IL1RAPL2: variants seen among roughly 807,000 people sequenced by gnomAD.
IL1RAPL2 encodes interleukin 1 receptor accessory protein like 2.
IL1RAPL2 carries 3 observed loss-of-function variants against 44.1 expected under a neutral mutation model. The observed-to-expected ratio is 0.07, with a 90% confidence interval of 0.03 to 0.18. IL1RAPL2 has a LOEUF of 0.18. Ranked by LOEUF, IL1RAPL2 falls within the 10% of genes least tolerant of loss-of-function variation. The probability of loss-of-function intolerance (pLI) is 1.00; values close to 1 mark genes in which losing one functional copy is unlikely to be tolerated. For synonymous variants in IL1RAPL2, 181 were observed against 178.8 expected (o/e 1.01, Z -0.10); for missense variants, 391 against 496.4 (o/e 0.79, Z 2.02).
chrX:104,663,770 A>G (rs758112314), intron 2 of IL1RAPL2, among the ~76,000 whole-genome samples: 3 of 104,858 alleles, frequency 2.9e-5, no homozygotes, highest in South Asian at 4.5e-4. Context: ...CAGCAACTAG[A>G]TAATAGGCAG....
intron 6 of IL1RAPL2, among the ~76,000 whole-genome samples, chrX:105,563,910 C>A (rs985537647): frequency 8.9e-6 from 1 of 111,951 alleles, no homozygotes; most frequent in African/African-American, 3.2e-5. Context: ...TCAATCTATT[C>A]TCTGACACTA....
chrX:105,460,102 G>A (rs2036083290), intron 5 of IL1RAPL2, among the ~76,000 whole-genome samples: 1 of 111,118 alleles, frequency 9.0e-6, no homozygotes, highest in African/African-American at 3.3e-5. Flanking sequence ...AGCAGGCAAA[G>A]TTATGTCTTC....
chrX:104,864,212 C>T (rs1357675472), intron 2 of IL1RAPL2, among the ~76,000 whole-genome samples: 1 of 111,984 alleles, frequency 8.9e-6, no homozygotes, highest in Non-Finnish European at 1.9e-5. Context: ...CTTTTCCTTT[C>T]AATTTTATAG....
intron 1 of IL1RAPL2, among the ~76,000 whole-genome samples, chrX:104,578,366 G>A (rs1278093413): frequency 8.9e-6 from 1 of 112,194 alleles, no homozygotes; most frequent in Admixed American, 9.4e-5. Context: ...AAGCTGAATG[G>A]CATGAGCCTC....
At chrX:105,447,626 T>A (rs2035977571) in intron 5 of IL1RAPL2, among the ~76,000 whole-genome samples, 1 of 78,724 alleles carries the variant, frequency 1.3e-5, no homozygotes, top group Non-Finnish European at 2.2e-5. Context: ...AACATAAATA[T>A]ATATTTATAT....
At chrX:104,759,473 G>GATTAA (rs1281177759) in intron 2 of IL1RAPL2, among the ~76,000 whole-genome samples, 11 of 110,880 alleles carry the variant, frequency 9.9e-5, no homozygotes, top group African/African-American at 3.6e-4. Flanking sequence ...CTTTTGTGAG[G>GATTAA]ATTAAACAAG....
intron 6 of IL1RAPL2, among the ~76,000 whole-genome samples, chrX:105,533,720 G>T (rs2036657315): frequency 1.8e-5 from 2 of 112,057 alleles, no homozygotes; most frequent in South Asian, 3.7e-4. Flanking sequence ...TTTGAGATAA[G>T]ATTTTTTTCA....
intron 5 of IL1RAPL2, among the ~76,000 whole-genome samples, chrX:105,304,114 T>C (rs150555039): frequency 0.012 from 1,311 of 112,673 alleles, 21 homozygotes; most frequent in African/African-American, 0.04. Flanking sequence ...CACATAACCA[T>C]GAGGGGTGTC....
intron 5 of IL1RAPL2, among the ~76,000 whole-genome samples, chrX:105,417,776 A>G (rs2035745031): frequency 8.9e-6 from 1 of 112,054 alleles, no homozygotes; most frequent in South Asian, 3.7e-4. Flanking sequence ...ACTTGTGTAC[A>G]TAAGTAGTAG....
chrX:105,447,075 T>TTATATATATATATATATATATA (rs1205983853), intron 5 of IL1RAPL2, among the ~76,000 whole-genome samples: 1 of 16,870 alleles, frequency 5.9e-5, no homozygotes, highest in Non-Finnish European at 8.6e-5. Flanking sequence ...CTGGTTAAAA[T>TTATATATATATATATATATATA]TATATATATA....
At chrX:105,480,384 AG>A (rs1259019217) in intron 5 of IL1RAPL2, among the ~76,000 whole-genome samples, 1 of 112,236 alleles carries the variant, frequency 8.9e-6, no homozygotes, top group Non-Finnish European at 1.9e-5. Flanking sequence ...AGAAGAAGGC[AG>A]TAATAGTAGT....
At chrX:104,985,494 G>A (rs2147729230) in intron 2 of IL1RAPL2, among the ~76,000 whole-genome samples, 1 of 111,968 alleles carries the variant, frequency 8.9e-6, no homozygotes, top group African/African-American at 3.2e-5. Flanking sequence ...ATATTAAAAG[G>A]ACCCCATTAA....
chrX:105,311,217 G>T (rs906368172), intron 5 of IL1RAPL2, among the ~76,000 whole-genome samples: 1 of 110,992 alleles, frequency 9.0e-6, no homozygotes. Flanking sequence ...ACATATAGAT[G>T]TTCCTTGCTT....
chrX:104,775,515 T>C (rs373728362), intron 2 of IL1RAPL2, among the ~76,000 whole-genome samples: 1 of 111,831 alleles, frequency 8.9e-6, no homozygotes, highest in Non-Finnish European at 1.9e-5. Flanking sequence ...AAGGGTTTTG[T>C]TGAGGGAGAT....
chrX:104,818,281 T>C (rs1375429626), intron 2 of IL1RAPL2, among the ~76,000 whole-genome samples: 2 of 99,986 alleles, frequency 2.0e-5, no homozygotes, highest in African/African-American at 3.8e-5. Context: ...GAGGCAGAGC[T>C]TGCAGTGAGC....
At chrX:105,038,705 C>A (rs1364766378) in intron 2 of IL1RAPL2, among the ~76,000 whole-genome samples, 1 of 111,031 alleles carries the variant, frequency 9.0e-6, no homozygotes, top group Non-Finnish European at 1.9e-5. Context: ...TCCCAGCCTT[C>A]ATCCTCAAGT....
At chrX:104,825,904 T>C (rs779862226) in intron 2 of IL1RAPL2, among the ~76,000 whole-genome samples, 1 of 111,694 alleles carries the variant, frequency 9.0e-6, no homozygotes, top group South Asian at 3.7e-4. Flanking sequence ...TTTGTTGATC[T>C]TGTCTGAGTT....
At chrX:105,566,841 A>T (rs1318467056) in intron 6 of IL1RAPL2, among the ~76,000 whole-genome samples, 1 of 110,887 alleles carries the variant, frequency 9.0e-6, no homozygotes, top group Non-Finnish European at 1.9e-5. Flanking sequence ...GAGAGATATG[A>T]CAATCCTGAG....
intron 3 of IL1RAPL2, among the ~76,000 whole-genome samples, chrX:105,205,418 T>C (rs1004240660): frequency 9.5e-6 from 1 of 105,401 alleles, no homozygotes; most frequent in Non-Finnish European, 1.9e-5. Flanking sequence ...GTGTAACCCC[T>C]GTCTCTACTA....
Sources: gnomAD v4.1 joint callset for allele counts (sites outside exome capture counted in the v4.1 genomes callset) on GRCh38, gnomAD v4.1.1 for gene constraint, MANE v1.5 for transcripts, NCBI Gene and HGNC (gene_info 2026-07-23, HGNC 2026-07-21) for gene names.